The following SMYD3 variants were observed in gnomAD, a reference collection of about 807,000 sequenced individuals.
SMYD3 encodes the protein histone-lysine N-methyltransferase SMYD3.
Under a neutral mutation model 57.7 loss-of-function variants are expected in SMYD3, and 36 were observed. That is an observed-to-expected ratio of 0.62 (90% CI 0.48 to 0.82). SMYD3 has a LOEUF of 0.82. SMYD3 is among the 40% of genes least tolerant of loss of function. The pLI is 0.00. For synonymous variants in SMYD3, 211 were observed against 195.0 expected (o/e 1.08, Z -0.68); for missense variants, 515 against 538.8 (o/e 0.96, Z 0.44).
At chr1:246,403,507 A>C (rs1033638757) in intron 1 of SMYD3, among the ~76,000 whole-genome samples, 1 of 152,118 alleles carries the variant, frequency 6.6e-6, no homozygotes, top group African/African-American at 2.4e-5. Context: ...CCTGTTTTAA[A>C]CATATATCCT....
intron 5 of SMYD3, among the ~76,000 whole-genome samples, chr1:246,137,091 A>G (rs1294179421): frequency 6.6e-6 from 1 of 152,090 alleles, no homozygotes; most frequent in Non-Finnish European, 1.5e-5. Flanking sequence ...AGAATTTTGG[A>G]TTTGGGTTTT....
rs1454240006 is a variant in SMYD3 at position 246,138,784 on chromosome 1, C to T, written c.531+188417G>A. On this transcript the variant is annotated intron_variant, in intron 5 of 11. Transcript: ENST00000490107. ...GCACAGTACCTAAATTTCTTTGTAC[C>T]GCTCTCTATAAACAAATCATGTGGA... 3.3e-5 allele frequency among the ~76,000 whole-genome samples: 5 copies of T among 151,908 alleles called. 1 individual carries two copies. The highest frequency in any genetic ancestry group is 2.6e-4 in the Admixed American group (4 of 15,236).
At position 246,362,166 on chromosome 1, in the gene SMYD3, A is replaced by G. The variant is rs1280693476; in HGVS notation, c.165-7072T>C. On this transcript the variant is annotated intron_variant, in intron 1 of 11. Coordinates refer to ENST00000490107, the MANE Select transcript of SMYD3 (RefSeq NM_001167740.2). ...TCACTTCATAGATACTGATCTCTCC[A>G]TATCAAATTCAAATCCAGTCCATAA... Among the ~76,000 whole-genome samples the G allele has an allele frequency of 2.6e-5, 4 of 152,310 alleles. No individual in the cohort carries two copies. The East Asian group carries it at 7.7e-4, about 29-fold the overall frequency.
chr1:246,300,464 G>C (rs992345714), intron 5 of SMYD3, among the ~76,000 whole-genome samples: 1 of 152,140 alleles, frequency 6.6e-6, no homozygotes, highest in African/African-American at 2.4e-5. Flanking sequence ...TTAGGTGTAC[G>C]GGTGAGGAAA....
chr1:246,445,398 C>T (rs1373042847), intron 1 of SMYD3, among the ~76,000 whole-genome samples: 1 of 152,142 alleles, frequency 6.6e-6, no homozygotes, highest in Non-Finnish European at 1.5e-5. Flanking sequence ...ACAGGCCTGT[C>T]CTATGTCCCT....
intron 5 of SMYD3, among the ~76,000 whole-genome samples, chr1:246,145,080 C>G (rs2061822674): frequency 6.6e-6 from 1 of 152,156 alleles, no homozygotes; most frequent in South Asian, 2.1e-4. Flanking sequence ...AGTGGCTATT[C>G]ACACACTCAA....
At chr1:246,282,771 G>A (rs193060506) in intron 5 of SMYD3, among the ~76,000 whole-genome samples, 25 of 152,172 alleles carry the variant, frequency 1.6e-4, no homozygotes, top group Admixed American at 1.6e-3. Flanking sequence ...ATGTTATGGG[G>A]AAAAATGATA....
intron 5 of SMYD3, among the ~76,000 whole-genome samples, chr1:246,214,652 G>A (rs2063137156): frequency 6.6e-6 from 1 of 152,176 alleles, no homozygotes. Flanking sequence ...CCTCTTTCAG[G>A]AAGAGAGAAG....
chr1:246,346,655 A>G (rs1367029916), intron 2 of SMYD3, among the ~76,000 whole-genome samples: 1 of 152,174 alleles, frequency 6.6e-6, no homozygotes, highest in East Asian at 1.9e-4. Flanking sequence ...CTCACTATCA[A>G]GAGAACAGGA....
At chr1:246,404,613 AT>A (rs1365746109) in intron 1 of SMYD3, among the ~76,000 whole-genome samples, 1 of 152,204 alleles carries the variant, frequency 6.6e-6, no homozygotes, top group Non-Finnish European at 1.5e-5. Flanking sequence ...AAACTGCAGC[AT>A]TTAGAAAGCC....
chr1:246,375,935 G>A (rs980557669), intron 1 of SMYD3, among the ~76,000 whole-genome samples: 2 of 151,828 alleles, frequency 1.3e-5, no homozygotes, highest in African/African-American at 4.8e-5. Context: ...TCACCATGTT[G>A]GCCAGGCTGG....
At chr1:246,304,799 T>C (rs1243032975) in intron 5 of SMYD3, among the ~76,000 whole-genome samples, 1 of 152,230 alleles carries the variant, frequency 6.6e-6, no homozygotes, top group African/African-American at 2.4e-5. Flanking sequence ...AGGCTACAAA[T>C]TAATAACTTC....
At chr1:246,023,807 C>CTGTGTGTGTGTGTG (rs201726897) in intron 5 of SMYD3, among the ~76,000 whole-genome samples, 4,868 of 139,488 alleles carry the variant, frequency 0.035, 199 homozygotes, top group African/African-American at 0.088. Context: ...TATTACAAAA[C>CTGTGTGTGTGTGTG]TGTGTGTGTG....
At chr1:245,817,427 T>TA in intron 10 of SMYD3, among the ~76,000 whole-genome samples, 1 of 149,382 alleles carries the variant, frequency 6.7e-6, no homozygotes, top group East Asian at 2.0e-4. Context: ...CAAAAGTAGA[T>TA]AAAACCACAA....
intron 5 of SMYD3, among the ~76,000 whole-genome samples, chr1:246,128,485 G>A (rs1033343070): frequency 6.6e-5 from 10 of 152,182 alleles, no homozygotes; most frequent in Admixed American, 6.5e-4. Flanking sequence ...TATGGGCCAG[G>A]CACATTGATA....
intron 5 of SMYD3, among the ~76,000 whole-genome samples, chr1:246,123,584 ACACACACAC>A (rs1222343286): frequency 8.6e-5 from 12 of 139,104 alleles, no homozygotes; most frequent in African/African-American, 3.9e-4. Context: ...ACACACACAC[ACACACACAC>A]ACACACACAC....
At chr1:246,257,816 T>A (rs2148514330) in intron 5 of SMYD3, among the ~76,000 whole-genome samples, 1 of 152,260 alleles carries the variant, frequency 6.6e-6, no homozygotes, top group African/African-American at 2.4e-5. Context: ...CATGTTAAAT[T>A]GTAATCTCCA....
intron 5 of SMYD3, 88 bp from the exon 6 acceptor site, chr1:245,930,025 G>A: frequency 2.8e-6 from 3 of 1,085,376 alleles, no homozygotes; most frequent in Non-Finnish European, 4.2e-6. Context: ...AAACCCAAAT[G>A]TAGGAGCATC....
chr1:246,269,992 A>C (rs2064189346), intron 5 of SMYD3, among the ~76,000 whole-genome samples: 1 of 152,210 alleles, frequency 6.6e-6, no homozygotes, highest in Non-Finnish European at 1.5e-5. Context: ...ATGGTACTCA[A>C]GTTGGTTAAT....
Sources: allele counts gnomAD v4.1 joint callset (sites outside exome capture counted in the v4.1 genomes callset), GRCh38; gene constraint gnomAD v4.1.1; transcripts MANE v1.5; gene names NCBI Gene and HGNC (gene_info 2026-07-23, HGNC 2026-07-21).